CCNT1: variants seen among roughly 807,000 people sequenced by gnomAD.
CCNT1 encodes the protein cyclin T1, also known as cyclin-T1.
In CCNT1, 18 loss-of-function variants were observed where a neutral mutation model predicts 67.3. The observed-to-expected ratio is 0.27, with a 90% CI of 0.18 to 0.40. The LOEUF (loss-of-function observed/expected upper bound fraction) is 0.40. CCNT1 is among the 10% of genes least tolerant of loss of function. CCNT1 has a pLI of 1.00. For synonymous variants in CCNT1, 333 were observed against 310.3 expected (o/e 1.07, Z -0.77); for missense variants, 744 against 884.9 (o/e 0.84, Z 2.02).
chr12:48,705,304 T>TGTTG (rs1940338766), intron 3 of CCNT1, among the ~76,000 whole-genome samples: 2 of 151,284 alleles, frequency 1.3e-5, no homozygotes, highest in Admixed American at 6.6e-5. Flanking sequence ...TTGTTGTTGT[T>TGTTG]TTTCTTTTTT....
intron 5 of CCNT1, 36 bp from the exon 6 acceptor site, chr12:48,698,219 G>T: frequency 5.0e-6 from 6 of 1,199,774 alleles, no homozygotes; most frequent in Admixed American, 2.2e-5. Context: ...GGTGGGGGAG[G>T]AAAAAAGTTA....
chr12:48,691,415 T>C lies in CCNT1; in HGVS notation c.*1618A>G, dbSNP rs1163600785. The C allele has an allele frequency of 6.6e-6, 1 of 152,128 alleles. No individual in the cohort carries two copies. Among genetic ancestry groups the C allele is most frequent in the Non-Finnish European group, 1.5e-5 (1 of 68,014 alleles). The allele number at this position is 152,128 out of a possible 1,614,324, so 9.4% of individuals were successfully genotyped here. On this transcript the variant is annotated 3_prime_UTR_variant, in exon 9 of 9. Coordinates refer to ENST00000261900, the MANE Select transcript of CCNT1 (RefSeq NM_001240.4). ...ATCAAATCATGAAAACAAACTCAAA[T>C]TGAACCACCTTTTCCAGAGCAAAAA...
intron 4 of CCNT1, 75 bp from the exon 5 acceptor site, chr12:48,699,915 G>A: frequency 1.1e-6 from 1 of 892,242 alleles, no homozygotes; most frequent in Non-Finnish European, 1.8e-6. Context: ...AAGGATAACT[G>A]ATTGTAAATT....
At chr12:48,695,728 T>C in intron 8 of CCNT1, 31 bp downstream of exon 8, 1 of 1,498,112 alleles carries the variant, frequency 6.7e-7, no homozygotes, top group Non-Finnish European at 9.3e-7. Context: ...AAATTGATTT[T>C]GTTCCACAAG....
At chr12:48,700,547 C>A (rs1000265176) in intron 4 of CCNT1, among the ~76,000 whole-genome samples, 6 of 152,216 alleles carry the variant, frequency 3.9e-5, no homozygotes, top group African/African-American at 1.4e-4. Context: ...CTAAAGGCAG[C>A]CTGTGTGATG....
At chr12:48,714,718 C>T (rs1296206115) in intron 1 of CCNT1, among the ~76,000 whole-genome samples, 194 bp from the exon 2 acceptor site, 1 of 152,208 alleles carries the variant, frequency 6.6e-6, no homozygotes, top group Non-Finnish European at 1.5e-5. Context: ...ACACTTAGCA[C>T]AATGCCTTAC....
At chr12:48,698,097 T>C in intron 6 of CCNT1, 41 bp downstream of exon 6, 1 of 1,364,852 alleles carries the variant, frequency 7.3e-7, no homozygotes, top group East Asian at 2.4e-5. Flanking sequence ...AGTAAAGTCC[T>C]ATACCAAAAA....
intron 3 of CCNT1, among the ~76,000 whole-genome samples, chr12:48,701,283 T>C (rs1940264710): frequency 7.0e-6 from 1 of 141,856 alleles, no homozygotes; most frequent in Non-Finnish European, 1.5e-5. Context: ...TGGAGTGCAG[T>C]GGTGTGATCT....
At chr12:48,711,949 C>T (rs1208590371) in intron 2 of CCNT1, among the ~76,000 whole-genome samples, 8 of 152,102 alleles carry the variant, frequency 5.3e-5, no homozygotes, top group South Asian at 2.1e-4. Context: ...CCCACCGCCA[C>T]GCCCGGCTAA....
intron 4 of CCNT1, 132 bp downstream of exon 4, chr12:48,700,881 C>G: frequency 7.1e-6 from 4 of 564,634 alleles, no homozygotes; most frequent in Non-Finnish European, 1.3e-5. Context: ...GGTCTACAAC[C>G]TCTATCATCT....
rs1333502618 is a variant in CCNT1 at position 48,689,404 on chromosome 12, TACA to T, written c.*3626_*3628del. On this transcript the variant is annotated 3_prime_UTR_variant, in exon 9 of 9. Coordinates refer to ENST00000261900, the MANE Select transcript of CCNT1 (RefSeq NM_001240.4). Reference sequence around the variant, plus strand: ...GACAAAATAAAACTTGACAGTGTGATACAACATGAAAATCTCCTAAACCATCAG... The same window carrying T: ...GACAAAATAAAACTTGACAGTGTGATACATGAAAATCTCCTAAACCATCAG... The T allele has an allele frequency of 6.6e-6, 1 of 152,170 alleles. No homozygotes were observed. The highest frequency in any genetic ancestry group is 2.4e-5 in the African/African-American group (1 of 41,442). The allele number at this position is 152,170 out of a possible 1,614,324, so 9.4% of individuals were successfully genotyped here. A position where few individuals can be genotyped will look rare whatever the true frequency, so the allele number is the denominator to read the frequency against.
At chr12:48,713,042 A>T (rs1010091776) in intron 2 of CCNT1, among the ~76,000 whole-genome samples, 4 of 152,184 alleles carry the variant, frequency 2.6e-5, no homozygotes, top group Non-Finnish European at 5.9e-5. Context: ...CTGGGATATC[A>T]CTATGCATTC....
chr12:48,693,089 G>A lies in CCNT1; in HGVS notation c.2125C>T (p.Arg709Trp), dbSNP rs776054514. The change falls in exon 9 of 9, where the codon CGG becomes TGG. Residue 709 changes from arginine to tryptophan, a missense_variant. Arg to Trp is a moderately radical substitution (Grantham distance 101, BLOSUM62 -3). Coordinates refer to ENST00000261900, the MANE Select transcript of CCNT1 (RefSeq NM_001240.4). ...GGTTCTGATGGCAGAGGTGGTGGCCGGGGTTTGTCTGTATTGCCAGATCTC... is the reference window on the plus strand; with the variant it reads ...GGTTCTGATGGCAGAGGTGGTGGCCAGGGTTTGTCTGTATTGCCAGATCTC... ...SSRSGNTDKPRPPPLPSEPPP... is the reference protein window; with the variant it reads ...SSRSGNTDKPWPPPLPSEPPP... 170 of 1,613,602 alleles carry A rather than the reference G, an allele frequency of 1.1e-4. No individual in the cohort carries two copies. In the East Asian group the frequency reaches 1.5e-3, roughly 15 times the overall value.
At chr12:48,715,109 G>C (rs1376188640) in intron 1 of CCNT1, among the ~76,000 whole-genome samples, 3 of 152,136 alleles carry the variant, frequency 2.0e-5, no homozygotes, top group Non-Finnish European at 2.9e-5. Flanking sequence ...CACCGCGCCT[G>C]GCTGACAACC....
At chr12:48,697,530 A>ATAT (rs1231028375) in intron 6 of CCNT1, among the ~76,000 whole-genome samples, 47 of 118,508 alleles carry the variant, frequency 4.0e-4, no homozygotes, top group African/African-American at 1.5e-3. Flanking sequence ...CTTAAAAAAA[A>ATAT]AAAAATATAT....
At position 48,693,874 on chromosome 12, in the gene CCNT1, G is replaced by A. The variant is rs1438058803; in HGVS notation, c.1340C>T (p.Pro447Leu). The change falls in exon 9 of 9, where the codon CCC (proline) becomes CTC (leucine). Residue 447 changes from proline (P) to leucine (L), a missense_variant. This residue lies in a region of CCNT1 where 564 missense variants were observed against 574.2 expected (regional missense o/e 0.98). Coordinates refer to ENST00000261900, the MANE Select transcript of CCNT1 (RefSeq NM_001240.4). Reference protein sequence around the residue: ...LKMPIEGSENPERPFLEKADK... With the variant: ...LKMPIEGSENLERPFLEKADK... The stretch of plus-strand genomic sequence containing the variant: ...AGCCTTTTCCAGAAAAGGCCGCTCG[G>A]GGTTTTCTGAACCCTCTATGGGCAT... 2 of 1,613,966 alleles carry A rather than the reference G, an allele frequency of 1.2e-6. No homozygotes were observed. Among genetic ancestry groups the A allele is most frequent in the Non-Finnish European group, 8.5e-7 (1 of 1,179,978 alleles).
rs966550899 is a variant in CCNT1, at chr12:48,689,958, C to A, written c.*3075G>T. On this transcript the variant is annotated 3_prime_UTR_variant, in exon 9 of 9. Coordinates refer to ENST00000261900, the MANE Select transcript of CCNT1 (RefSeq NM_001240.4). ...CAATAATACTGAACTATGTAGTATACACTAAATCAAAACACTAAAATCATT... is the reference window on the plus strand; with the variant it reads ...CAATAATACTGAACTATGTAGTATAAACTAAATCAAAACACTAAAATCATT... The A allele has an allele frequency of 1.3e-5, 2 of 152,172 alleles. No individual in the cohort carries two copies. The highest frequency in any genetic ancestry group is 4.8e-5 in the African/African-American group (2 of 41,442). The allele number at this position is 152,172 out of a possible 1,614,324, so 9.4% of individuals were successfully genotyped here. A position where few individuals can be genotyped will look rare whatever the true frequency, so the allele number is the denominator to read the frequency against.
rs3803025 is a variant in CCNT1, at chr12:48,690,651, G to A, written c.*2382C>T. ...GCAATGATCTACTAGTGCAAAGGCCGGACTACACGGCACAAAGCAACTCTT... is the reference window on the plus strand; with the variant it reads ...GCAATGATCTACTAGTGCAAAGGCCAGACTACACGGCACAAAGCAACTCTT... On this transcript the variant is annotated 3_prime_UTR_variant, in exon 9 of 9. Coordinates refer to ENST00000261900, the MANE Select transcript of CCNT1 (RefSeq NM_001240.4). 0.59 allele frequency: 89,438 copies of A among 152,034 alleles called. 26,594 individuals are homozygous for A. Among genetic ancestry groups the A allele is most frequent in the East Asian group, 0.77 (3,973 of 5,166 alleles). 9.4% of individuals were successfully genotyped at this position (152,034 alleles called of 1,614,324 possible).
At chr12:48,710,314 C>T (rs1371780111) in intron 2 of CCNT1, among the ~76,000 whole-genome samples, 1 of 152,166 alleles carries the variant, frequency 6.6e-6, no homozygotes, top group East Asian at 1.9e-4. Flanking sequence ...ATTAAGTCCT[C>T]TCACATTTAA....
Sources: gnomAD v4.1 joint callset for allele counts (sites outside exome capture counted in the v4.1 genomes callset) on GRCh38, gnomAD v4.1.1 for gene constraint, gnomAD v4.1.1 regional missense constraint, MANE v1.5 for transcripts, NCBI Gene and HGNC (gene_info 2026-07-23, HGNC 2026-07-21) for gene names.